The following PGM5 variants were observed in gnomAD, a reference collection of about 807,000 sequenced individuals.
PGM5 encodes the protein phosphoglucomutase 5, also known as phosphoglucomutase-like protein 5.
Under a neutral mutation model 59.2 loss-of-function variants are expected in PGM5, and 23 were observed. The ratio of observed to expected loss-of-function variants is 0.39; its 90% CI spans 0.28 to 0.55. The LOEUF is 0.55. Among genes scored for constraint, PGM5 ranks in the 20% least tolerant of loss-of-function variants. PGM5 has a pLI of 0.66. For missense variants in PGM5, 574 were observed against 748.3 expected (o/e 0.77, Z 2.72); for synonymous variants, 214 against 286.0 (o/e 0.75, Z 2.54).
At position 68,383,087 on chromosome 9, in the gene PGM5, G is replaced by A. The variant is rs375665295; in HGVS notation, c.425-1311G>A. Among the ~76,000 whole-genome samples the A allele has an allele frequency of 6.6e-5, 10 of 151,830 alleles. 1 individual carries two copies. In the South Asian group the frequency reaches 2.1e-3, roughly 32 times the overall value. ...AAAGGGCTATGTTTATTTCTTTGAG[G>A]ACTTCACTTTTCCCACACAACAAGA... On this transcript the variant is annotated intron_variant, in intron 2 of 10. Coordinates refer to ENST00000396396, the MANE Select transcript of PGM5 (RefSeq NM_021965.4).
Position 68,529,577 on chromosome 9 carries a change from G to C in PGM5, c.1625G>C (p.Ser542Thr), listed in dbSNP as rs756925733. The C allele has an allele frequency of 5.0e-6, 8 of 1,594,824 alleles. No individual in the cohort carries two copies. In the African/African-American group the frequency reaches 1.1e-4, roughly 21 times the overall value. ...GHDQEPQAVL[S>T]PLIAIALKIS... ...CTTTTCCTTTTGCAGGCAGTGCTGA[G>C]CCCTCTCATAGCCATCGCACTGAAA... The change falls in exon 11 of 11, where the codon AGC becomes ACC. Residue 542 changes from serine to threonine, a missense_variant. This residue lies in a region of PGM5 where 300 missense variants were observed against 280.0 expected (regional missense o/e 1.07). Coordinates refer to ENST00000396396, the MANE Select transcript of PGM5 (RefSeq NM_021965.4).
intron 6 of PGM5, chr9:68,400,581 A>G (rs184654517): frequency 2.6e-5 from 4 of 152,760 alleles, no homozygotes; most frequent in African/African-American, 7.2e-5. Flanking sequence ...GCTTCTTTTG[A>G]CTTTTTTACA....
intron 6 of PGM5, among the ~76,000 whole-genome samples, chr9:68,419,816 C>A (rs142382115): frequency 0.012 from 1,760 of 152,288 alleles, 11 homozygotes; most frequent in Middle Eastern, 0.02. Flanking sequence ...GCCTTTTCCC[C>A]TCTTGACAGA....
chr9:68,457,196 T>G (rs1823792483), intron 6 of PGM5, among the ~76,000 whole-genome samples: 1 of 152,196 alleles, frequency 6.6e-6, no homozygotes, highest in African/African-American at 2.4e-5. Context: ...AAATAGAAAT[T>G]TTATAATTTT....
chr9:68,416,266 G>T (rs1451917632), intron 6 of PGM5, among the ~76,000 whole-genome samples: 1 of 152,220 alleles, frequency 6.6e-6, no homozygotes, highest in East Asian at 1.9e-4. Flanking sequence ...GTGATGGATG[G>T]CTCTGTTGGG....
rs550061560 is a variant in PGM5, at chr9:68,392,553, T to C, written c.1043+80T>C. On this transcript the variant is annotated intron_variant, in intron 6 of 10. Transcript: ENST00000396396. ...CTCCTTTGTTGGTTGCTGGCGCTTA[T>C]TCTCCCCTGCTCCATTTGGGAATGC... 7.0e-6 allele frequency: 11 copies of C among 1,577,770 alleles called. No homozygotes were observed. The East Asian group carries it at 2.5e-4, about 36-fold the overall frequency.
chr9:68,392,271 G>GC, intron 5 of PGM5, 48 bp from the exon 6 acceptor site: 1 of 1,605,186 alleles, frequency 6.2e-7, no homozygotes, highest in Non-Finnish European at 8.5e-7. Flanking sequence ...GGAATGGGCT[G>GC]CTAGCAGATG....
At chr9:68,498,117 T>C (rs1462402757) in intron 9 of PGM5, 3 of 152,166 alleles carry the variant, frequency 2.0e-5, no homozygotes, top group African/African-American at 7.2e-5. Flanking sequence ...GGGAACTGGG[T>C]CACGCAAACA....
chr9:68,430,687 T>C (rs1291394196), intron 6 of PGM5, among the ~76,000 whole-genome samples: 1 of 152,246 alleles, frequency 6.6e-6, no homozygotes, highest in Non-Finnish European at 1.5e-5. Context: ...GCTTCAACTT[T>C]CCATAGTAAG....
At chr9:68,498,453 C>T (rs1824516902) in intron 9 of PGM5, 1 of 152,078 alleles carries the variant, frequency 6.6e-6, no homozygotes, top group African/African-American at 2.4e-5. Flanking sequence ...TTCACTGAGC[C>T]AGACAAAGGC....
At chr9:68,451,507 T>C (rs782164794) in intron 6 of PGM5, among the ~76,000 whole-genome samples, 8 of 152,244 alleles carry the variant, frequency 5.3e-5, no homozygotes, top group Non-Finnish European at 1.2e-4. Context: ...GATTTTTATG[T>C]GAGATGTGGA....
intron 1 of PGM5, among the ~76,000 whole-genome samples, chr9:68,376,906 TTC>T (rs1821933305): frequency 5.0e-5 from 3 of 60,056 alleles, no homozygotes; most frequent in Non-Finnish European, 1.1e-4. Context: ...TTCTCTCTCT[TTC>T]TTTCTTTCTT....
intron 6 of PGM5, among the ~76,000 whole-genome samples, chr9:68,439,448 A>G (rs1823492192): frequency 1.4e-5 from 2 of 146,446 alleles, no homozygotes; most frequent in Non-Finnish European, 3.0e-5. Context: ...TATATTATAT[A>G]TGTAAAATAT....
intron 1 of PGM5, among the ~76,000 whole-genome samples, chr9:68,360,863 G>GT (rs1251850261): frequency 6.6e-6 from 1 of 151,746 alleles, no homozygotes; most frequent in Non-Finnish European, 1.5e-5. Flanking sequence ...ATAAAAAATG[G>GT]TTTTTTTATA....
At chr9:68,472,069 G>A (rs1564014588) in intron 7 of PGM5, among the ~76,000 whole-genome samples, 5 of 151,986 alleles carry the variant, frequency 3.3e-5, no homozygotes, top group African/African-American at 1.2e-4. Flanking sequence ...TATGGTTAAT[G>A]TGCTCCCTGC....
At chr9:68,499,178 T>C in intron 9 of PGM5, 49 bp from the exon 10 acceptor site, 1 of 1,597,938 alleles carries the variant, frequency 6.3e-7, no homozygotes, top group East Asian at 2.2e-5. Context: ...TGATTATTAC[T>C]TGTGTATTCA....
At chr9:68,516,205 G>A (rs1824821454) in intron 10 of PGM5, among the ~76,000 whole-genome samples, 1 of 152,126 alleles carries the variant, frequency 6.6e-6, no homozygotes, top group Admixed American at 6.6e-5. Context: ...AAAATATGGG[G>A]GTGCTCACCC....
intron 6 of PGM5, among the ~76,000 whole-genome samples, chr9:68,426,419 T>C (rs1182996746): frequency 2.0e-5 from 3 of 152,198 alleles, no homozygotes; most frequent in Non-Finnish European, 2.9e-5. Flanking sequence ...TGTTCATATG[T>C]ATATATGGTT....
At chr9:68,513,825 A>G (rs1824786915) in intron 10 of PGM5, among the ~76,000 whole-genome samples, 1 of 152,226 alleles carries the variant, frequency 6.6e-6, no homozygotes, top group Non-Finnish European at 1.5e-5. Flanking sequence ...TTTCCCAGTT[A>G]TACATTTTAG....
Sources: allele counts gnomAD v4.1 joint callset (sites outside exome capture counted in the v4.1 genomes callset), GRCh38; gene constraint gnomAD v4.1.1; regional missense constraint gnomAD v4.1.1; transcripts MANE v1.5; gene names NCBI Gene and HGNC (gene_info 2026-07-23, HGNC 2026-07-21).